The following SPATA17 variants were observed in gnomAD, a reference collection of about 807,000 sequenced individuals.
SPATA17 encodes the protein spermatogenesis-associated protein 17.
Under a neutral mutation model 62.2 loss-of-function variants are expected in SPATA17, and 53 were observed. That is an observed-to-expected ratio of 0.85 (90% CI 0.68 to 1.07). The LOEUF is 1.07. SPATA17 is among the 50% of genes least tolerant of loss of function. SPATA17 has a pLI of 0.00. For missense variants in SPATA17, 466 were observed against 425.5 expected (o/e 1.10, Z -0.84); for synonymous variants, 146 against 146.8 (o/e 0.99, Z 0.04).
intron 9 of SPATA17, among the ~76,000 whole-genome samples, chr1:217,809,590 A>G (rs1371963313): frequency 1.3e-5 from 2 of 152,092 alleles, no homozygotes; most frequent in Admixed American, 6.5e-5. Flanking sequence ...ATAATAACAA[A>G]CCCTTGAGGG....
intron 6 of SPATA17, among the ~76,000 whole-genome samples, chr1:217,743,848 A>AT (rs1672681732): frequency 6.6e-6 from 1 of 151,998 alleles, no homozygotes; most frequent in Non-Finnish European, 1.5e-5. Context: ...ACCTCAAGTG[A>AT]TCCCCCCGCC....
intron 5 of SPATA17, among the ~76,000 whole-genome samples, chr1:217,708,813 A>T (rs915089706): frequency 2.2e-4 from 33 of 152,176 alleles, no homozygotes; most frequent in African/African-American, 8.0e-4. Context: ...ATCCAGCAGC[A>T]CATTAAAAAG....
At chr1:217,865,658 C>A (rs1009767645) in intron 10 of SPATA17, among the ~76,000 whole-genome samples, 4 of 152,094 alleles carry the variant, frequency 2.6e-5, no homozygotes, top group Non-Finnish European at 5.9e-5. Flanking sequence ...TTTATCTTTC[C>A]AGGCAGAGTC....
At chr1:217,846,099 C>A (rs893419247) in intron 9 of SPATA17, among the ~76,000 whole-genome samples, 8 of 152,020 alleles carry the variant, frequency 5.3e-5, no homozygotes, top group Admixed American at 3.3e-4. Flanking sequence ...TAGGCCCTAC[C>A]CATATAGTTG....
intron 9 of SPATA17, among the ~76,000 whole-genome samples, chr1:217,836,155 G>A (rs1675254989): frequency 6.6e-6 from 1 of 152,064 alleles, no homozygotes; most frequent in Admixed American, 6.6e-5. Context: ...TTACTGTAAT[G>A]CTGTGGTCTT....
chr1:217,643,919 G>A (rs758485711), intron 1 of SPATA17, among the ~76,000 whole-genome samples: 4 of 151,880 alleles, frequency 2.6e-5, no homozygotes, highest in Non-Finnish European at 5.9e-5. Context: ...GTAGAGACAG[G>A]GTTTCACCAT....
intron 1 of SPATA17, among the ~76,000 whole-genome samples, chr1:217,637,166 C>T (rs1669961032): frequency 6.6e-6 from 1 of 152,164 alleles, no homozygotes; most frequent in Non-Finnish European, 1.5e-5. Flanking sequence ...CTACTACATG[C>T]TGAGCACTGC....
At chr1:217,658,203 G>A (rs1011507260) in intron 3 of SPATA17, among the ~76,000 whole-genome samples, 1 of 152,166 alleles carries the variant, frequency 6.6e-6, no homozygotes, top group African/African-American at 2.4e-5. Context: ...GGTTGGAGGT[G>A]TTTGGGTCAT....
At chr1:217,648,106 T>C (rs1490086040) in intron 1 of SPATA17, among the ~76,000 whole-genome samples, 1 of 152,206 alleles carries the variant, frequency 6.6e-6, no homozygotes, top group Non-Finnish European at 1.5e-5. Flanking sequence ...TTCCTAATTG[T>C]CTAGAGTGGT....
intron 9 of SPATA17, among the ~76,000 whole-genome samples, chr1:217,804,188 C>T (rs1674378961): frequency 6.6e-6 from 1 of 152,112 alleles, no homozygotes; most frequent in Non-Finnish European, 1.5e-5. Context: ...ACAACATGGT[C>T]CTAGCATAAA....
intron 6 of SPATA17, among the ~76,000 whole-genome samples, chr1:217,768,774 G>A (rs965991272): frequency 4.6e-5 from 7 of 151,620 alleles, no homozygotes; most frequent in African/African-American, 1.7e-4. Context: ...TTACAGACGT[G>A]AGCCACCGTG....
intron 9 of SPATA17, among the ~76,000 whole-genome samples, chr1:217,806,085 T>C (rs1296634954): frequency 1.3e-5 from 2 of 152,234 alleles, no homozygotes; most frequent in Non-Finnish European, 2.9e-5. Context: ...AGGGGTGATA[T>C]TTCTATGCCA....
intron 5 of SPATA17, among the ~76,000 whole-genome samples, chr1:217,703,173 C>CATTTTTTTTTTTTT (rs1558572175): frequency 4.9e-5 from 5 of 101,244 alleles, no homozygotes; most frequent in African/African-American, 2.2e-4. Flanking sequence ...TTGCGCTCGG[C>CATTTTTTTTTTTTT]CTTTTTTTTT....
intron 5 of SPATA17, among the ~76,000 whole-genome samples, chr1:217,700,762 CTT>C (rs71556698): frequency 3.7e-5 from 5 of 134,818 alleles, no homozygotes; most frequent in Non-Finnish European, 6.2e-5. Flanking sequence ...TTTTCTTTTT[CTT>C]TTTTTTTTTT....
intron 9 of SPATA17, among the ~76,000 whole-genome samples, chr1:217,862,166 A>G (rs1215191409): frequency 6.6e-6 from 1 of 152,046 alleles, no homozygotes; most frequent in Non-Finnish European, 1.5e-5. Flanking sequence ...ATTTGTTTAC[A>G]GCATTCATTG....
intron 5 of SPATA17, among the ~76,000 whole-genome samples, chr1:217,717,545 A>T (rs373097139): frequency 6.6e-6 from 1 of 152,246 alleles, no homozygotes; most frequent in East Asian, 1.9e-4. Flanking sequence ...CAGGAGGCAG[A>T]GGTTGCGGTG....
At chr1:217,814,763 G>A (rs984743108) in intron 9 of SPATA17, among the ~76,000 whole-genome samples, 4 of 152,050 alleles carry the variant, frequency 2.6e-5, no homozygotes, top group Non-Finnish European at 5.9e-5. Flanking sequence ...TGGGAGGATT[G>A]TGTGAGCCCA....
intron 9 of SPATA17, among the ~76,000 whole-genome samples, chr1:217,829,369 T>A (rs182563396): frequency 3.5e-4 from 53 of 152,126 alleles, no homozygotes; most frequent in African/African-American, 1.3e-3. Flanking sequence ...GGTTCACGCC[T>A]GTAATCCCAG....
intron 6 of SPATA17, among the ~76,000 whole-genome samples, chr1:217,748,221 T>G (rs964310244): frequency 6.8e-6 from 1 of 147,504 alleles, no homozygotes; most frequent in African/African-American, 2.5e-5. Flanking sequence ...GAGAATGGTG[T>G]GAACCTGGGA....
Sources: gnomAD v4.1 joint callset for allele counts (sites outside exome capture counted in the v4.1 genomes callset) on GRCh38, gnomAD v4.1.1 for gene constraint, MANE v1.5 for transcripts, NCBI Gene and HGNC (gene_info 2026-07-23, HGNC 2026-07-21) for gene names.